The following MMP16 variants were observed in gnomAD, a reference collection of about 807,000 sequenced individuals.
MMP16 encodes the protein matrix metalloproteinase-16.
In MMP16, 12 loss-of-function variants were observed where a neutral mutation model predicts 67.8. The observed-to-expected ratio is 0.18, with a 90% CI of 0.11 to 0.29. MMP16 has a LOEUF of 0.29. Ranked by LOEUF, MMP16 falls within the 10% of genes least tolerant of loss-of-function variation. The pLI, the probability that MMP16 is intolerant of heterozygous loss-of-function variation, is 1.00. For missense variants in MMP16, 475 were observed against 765.7 expected (o/e 0.62, Z 4.48); for synonymous variants, 249 against 255.9 (o/e 0.97, Z 0.26).
intron 4 of MMP16, among the ~76,000 whole-genome samples, chr8:88,120,953 T>C (rs1807819983): frequency 6.6e-6 from 1 of 151,988 alleles, no homozygotes; most frequent in Admixed American, 6.6e-5. Context: ...AGGAAGTCAG[T>C]CTTACTCTTA....
At chr8:88,126,396 T>C (rs1355499987) in intron 4 of MMP16, among the ~76,000 whole-genome samples, 2 of 151,874 alleles carry the variant, frequency 1.3e-5, no homozygotes, top group Non-Finnish European at 2.9e-5. Flanking sequence ...TTGAAAGTGA[T>C]TATGGAATTA....
intron 1 of MMP16, among the ~76,000 whole-genome samples, chr8:88,261,013 A>G (rs1563576616): frequency 6.6e-6 from 1 of 152,180 alleles, no homozygotes; most frequent in Non-Finnish European, 1.5e-5. Flanking sequence ...CTCAAACACC[A>G]TGGCAGCTCA....
chr8:88,091,210 A>AT (rs1194322646), intron 6 of MMP16, among the ~76,000 whole-genome samples: 1 of 151,842 alleles, frequency 6.6e-6, no homozygotes, highest in East Asian at 1.9e-4. Context: ...GTTTTGCAAT[A>AT]TTTTAACACT....
intron 6 of MMP16, among the ~76,000 whole-genome samples, chr8:88,112,985 G>A (rs1405872349): frequency 1.3e-5 from 2 of 151,648 alleles, no homozygotes; most frequent in Non-Finnish European, 2.9e-5. Flanking sequence ...TTTGGGCAAG[G>A]AATAACAACT....
intron 1 of MMP16, among the ~76,000 whole-genome samples, chr8:88,290,816 T>G (rs1489793915): frequency 6.6e-6 from 1 of 152,144 alleles, no homozygotes; most frequent in Non-Finnish European, 1.5e-5. Context: ...TTTGCAACCT[T>G]TTCTAAGATA....
intron 6 of MMP16, among the ~76,000 whole-genome samples, chr8:88,086,853 C>T (rs976293537): frequency 1.3e-5 from 2 of 151,800 alleles, no homozygotes; most frequent in African/African-American, 4.9e-5. Flanking sequence ...TTTATTTGTT[C>T]ACTTGCTTTC....
intron 1 of MMP16, among the ~76,000 whole-genome samples, chr8:88,245,555 G>C (rs1236581883): frequency 6.6e-6 from 1 of 152,156 alleles, no homozygotes; most frequent in East Asian, 1.9e-4. Context: ...TCCTGGACAA[G>C]GTGAACACAA....
intron 1 of MMP16, among the ~76,000 whole-genome samples, chr8:88,283,763 C>T (rs768277846): frequency 2.6e-5 from 4 of 151,852 alleles, no homozygotes; most frequent in African/African-American, 4.8e-5. Flanking sequence ...CCTGTGATAC[C>T]GAGAACATAT....
intron 6 of MMP16, among the ~76,000 whole-genome samples, chr8:88,097,549 C>T (rs890741802): frequency 1.4e-5 from 2 of 144,706 alleles, no homozygotes; most frequent in Admixed American, 7.2e-5. Flanking sequence ...TCACTTGAGC[C>T]TGGGACGTGG....
At chr8:88,101,056 T>C (rs1356718211) in intron 6 of MMP16, among the ~76,000 whole-genome samples, 1 of 151,848 alleles carries the variant, frequency 6.6e-6, no homozygotes, top group African/African-American at 2.4e-5. Context: ...CACACCAACA[T>C]GGCACATGTA....
chr8:88,300,843 G>A (rs926308701), intron 1 of MMP16, among the ~76,000 whole-genome samples: 1 of 152,030 alleles, frequency 6.6e-6, no homozygotes, highest in African/African-American at 2.4e-5. Flanking sequence ...TTAAGAGCCT[G>A]AAGTAAGAGT....
chr8:88,295,473 T>C, intron 1 of MMP16, among the ~76,000 whole-genome samples: 1 of 152,202 alleles, frequency 6.6e-6, no homozygotes, highest in East Asian at 1.9e-4. Context: ...AATCTGTATT[T>C]ACAGGTTGGA....
intron 1 of MMP16, among the ~76,000 whole-genome samples, chr8:88,288,687 T>C (rs1810872036): frequency 6.6e-6 from 1 of 152,236 alleles, no homozygotes; most frequent in African/African-American, 2.4e-5. Flanking sequence ...GAAATTCTCA[T>C]ATATTCCTAT....
At chr8:88,297,195 C>A (rs1400583838) in intron 1 of MMP16, among the ~76,000 whole-genome samples, 3 of 152,020 alleles carry the variant, frequency 2.0e-5, no homozygotes, top group Admixed American at 6.6e-5. Flanking sequence ...GAAAGAGTAA[C>A]CCCCAAGAAT....
intron 4 of MMP16, among the ~76,000 whole-genome samples, chr8:88,142,476 T>C (rs938524925): frequency 6.6e-6 from 1 of 152,136 alleles, no homozygotes; most frequent in Non-Finnish European, 1.5e-5. Flanking sequence ...AGGAAAGTGA[T>C]TAAATTTATC....
Position 88,041,764 on chromosome 8 carries a change from A to G in MMP16, c.1521T>C (p.Tyr507=). Reference sequence around the variant, plus strand: ...TGAGTATCTGGTTGTTGAATTTCCAATACTCCTTTCCTTTGTAGAAATACG... The same window carrying G: ...TGAGTATCTGGTTGTTGAATTTCCAGTACTCCTTTCCTTTGTAGAAATACG... The part of the protein sequence containing the change: ...GFTYFYKGKE[Y]WKFNNQILKV... Residue 507 remains tyrosine (Y), a synonymous_variant, in exon 10 of 10, where the codon TAT becomes TAC. Coordinates refer to ENST00000286614, the MANE Select transcript of MMP16 (RefSeq NM_005941.5). This position sits in a 1 kb window ranked among gnomAD's most constrained non-coding sequence, Gnocchi z 6.0. The G allele has an allele frequency of 6.2e-7, 1 of 1,612,832 alleles. No homozygotes were observed. The highest frequency in any genetic ancestry group is 2.2e-5 in the East Asian group (1 of 44,836).
At position 88,074,743 on chromosome 8, in the gene MMP16, C is replaced by T. The variant is rs770672148; in HGVS notation, c.1084G>A (p.Asp362Asn). ...TTTCTCACTCGCCAAAACCACTGGT[C>T]CTGCAAACCAAGCAAAGGCATCTCT... ...ILRREMFVFK[D>N]QWFWRVRNNR... The change falls in exon 7 of 10, where the codon GAC becomes AAC. Residue 362 changes from aspartate to asparagine, a missense_variant and splice_region_variant. Physicochemically the swap from Asp to Asn is conservative, Grantham distance 23 (BLOSUM62 1). Coordinates refer to ENST00000286614, the MANE Select transcript of MMP16 (RefSeq NM_005941.5). 4 of 1,611,824 alleles carry T rather than the reference C, an allele frequency of 2.5e-6. No individual in the cohort carries two copies.
In MMP16 at chr8:88,040,838, C is replaced by T. The variant is rs548686909; in HGVS notation, c.*623G>A. ...GAAAATGGCTGTCCCAACAGTCTAA[C>T]GTCCTGCATGTGTATTCCAAATCTC... On this transcript the variant is annotated 3_prime_UTR_variant, in exon 10 of 10. Transcript: ENST00000286614. The T allele has an allele frequency of 3.3e-5, 5 of 152,654 alleles. No individual in the cohort carries two copies. Among genetic ancestry groups the T allele is most frequent in the South Asian group, 2.1e-4 (1 of 4,826 alleles). The allele number at this position is 152,654 out of a possible 1,614,324, so 9.5% of individuals were successfully genotyped here. A position where few individuals can be genotyped will look rare whatever the true frequency, so the allele number is the denominator to read the frequency against.
intron 4 of MMP16, among the ~76,000 whole-genome samples, chr8:88,135,568 T>C (rs1412245992): frequency 6.6e-6 from 1 of 151,786 alleles, no homozygotes; most frequent in African/African-American, 2.4e-5. Context: ...AAAATGCCTG[T>C]GTAAGAAATA....
Sources: allele counts gnomAD v4.1 joint callset (sites outside exome capture counted in the v4.1 genomes callset), GRCh38; gene constraint gnomAD v4.1.1; non-coding constraint Gnocchi (gnomAD v3.1); transcripts MANE v1.5; gene names NCBI Gene and HGNC (gene_info 2026-07-23, HGNC 2026-07-21).